Variants in STUM observed in about 807,000 individuals in gnomAD.
STUM encodes stum, mechanosensory transduction mediator homolog.
In STUM, 8 loss-of-function variants were observed where a neutral mutation model predicts 15.3. The ratio of observed to expected loss-of-function variants is 0.52; its 90% CI spans 0.31 to 0.94. STUM has a LOEUF of 0.94. STUM is among the 40% of genes least tolerant of loss of function. The probability of loss-of-function intolerance (pLI) is 0.05; values close to 1 mark genes in which losing one functional copy is unlikely to be tolerated. For synonymous variants in STUM, 78 were observed against 88.7 expected (o/e 0.88, Z 0.68); for missense variants, 142 against 204.9 (o/e 0.69, Z 1.87).
Position 226,600,443 on chromosome 1 carries a change from C to T in STUM, c.383-223C>T. Reference sequence around the variant, plus strand: ...CACACCCACACGCCTGGTGGGCAGACCACTGGCCACTGTGGCTGTCACCAT... The same window carrying T: ...CACACCCACACGCCTGGTGGGCAGATCACTGGCCACTGTGGCTGTCACCAT... On this transcript the variant is annotated intron_variant, in intron 2 of 3. Transcript: ENST00000366788. This position sits in a 1 kb window ranked among gnomAD's most constrained non-coding sequence, Gnocchi z 5.2. The T allele has an allele frequency of 1.7e-6, 1 of 596,432 alleles. No individual in the cohort carries two copies. Among genetic ancestry groups the T allele is most frequent in the South Asian group, 2.0e-5 (1 of 51,270 alleles). 36.9% of individuals were successfully genotyped at this position (596,432 alleles called of 1,614,324 possible). A position where few individuals can be genotyped will look rare whatever the true frequency, so the allele number is the denominator to read the frequency against.
chr1:226,550,685 C>G (rs1174516651), intron 1 of STUM, among the ~76,000 whole-genome samples: 1 of 151,900 alleles, frequency 6.6e-6, no homozygotes, highest in Admixed American at 6.6e-5. Flanking sequence ...AGGGGCTGCA[C>G]CAAGTCACTG....
At position 226,574,912 on chromosome 1, in the gene STUM, C is replaced by A. The variant is rs114303289; in HGVS notation, c.203-21890C>A. Among the ~76,000 whole-genome samples the A allele has an allele frequency of 2.0e-5, 3 of 152,144 alleles. No individual in the cohort carries two copies. The East Asian group carries it at 5.8e-4, about 29-fold the overall frequency. On this transcript the variant is annotated intron_variant, in intron 1 of 3. Coordinates refer to ENST00000366788, the MANE Select transcript of STUM (RefSeq NM_001003665.4). ...ACAACCCCTCAGAGGAAAGGCCCAC[C>A]CCAACTCATGGGGAACAAGCAAACC...
intron 1 of STUM, among the ~76,000 whole-genome samples, chr1:226,595,744 C>T (rs758184857): frequency 2.6e-4 from 39 of 152,230 alleles, no homozygotes; most frequent in African/African-American, 7.2e-4. Context: ...GAAGGTGCTA[C>T]GCTGCTGGCG....
At chr1:226,556,907 GA>G (rs1269067190) in intron 1 of STUM, among the ~76,000 whole-genome samples, 1 of 152,132 alleles carries the variant, frequency 6.6e-6, no homozygotes, top group Non-Finnish European at 1.5e-5. Context: ...TATAATTTAT[GA>G]ATACAATGTG....
At chr1:226,560,817 G>A (rs1424104193) in intron 1 of STUM, among the ~76,000 whole-genome samples, 3 of 152,164 alleles carry the variant, frequency 2.0e-5, no homozygotes, top group Non-Finnish European at 2.9e-5. Flanking sequence ...TCATGTCTCA[G>A]CTCTGATCAT....
chr1:226,566,579 T>A (rs986127476), intron 1 of STUM, among the ~76,000 whole-genome samples: 5 of 152,196 alleles, frequency 3.3e-5, no homozygotes, highest in African/African-American at 9.7e-5. Flanking sequence ...TACCCACATT[T>A]TTTTTTGTAC....
chr1:226,598,602 C>T (rs1186860522), intron 2 of STUM, among the ~76,000 whole-genome samples: 1 of 152,138 alleles, frequency 6.6e-6, no homozygotes, highest in East Asian at 1.9e-4. Flanking sequence ...GCATTGAGGC[C>T]CCAGAAGTGC....
intron 1 of STUM, among the ~76,000 whole-genome samples, chr1:226,583,837 CA>C (rs2102703399): frequency 6.6e-6 from 1 of 152,302 alleles, no homozygotes; most frequent in African/African-American, 2.4e-5. Context: ...GCCCAAGAGC[CA>C]AGCAGTACAG....
In STUM at chr1:226,554,637, A is replaced by T. The variant is rs1667420026; in HGVS notation, c.202+5531A>T. Among the ~76,000 whole-genome samples, 3 of 152,160 alleles carry T rather than the reference A, an allele frequency of 2.0e-5. No individual in the cohort carries two copies. In the South Asian group the frequency reaches 6.2e-4, roughly 32 times the overall value. The stretch of plus-strand genomic sequence containing the variant: ...GAATTTGATAAAACATGAAAAAGCA[A>T]TATAAGTGTACTCTTTGGAGACTGG... On this transcript the variant is annotated intron_variant, in intron 1 of 3. Coordinates refer to ENST00000366788, the MANE Select transcript of STUM (RefSeq NM_001003665.4).
intron 1 of STUM, among the ~76,000 whole-genome samples, chr1:226,594,768 C>T (rs1454352243): frequency 1.3e-5 from 2 of 152,204 alleles, no homozygotes; most frequent in Non-Finnish European, 2.9e-5. Flanking sequence ...GATTTTCCTG[C>T]CTCAGCCTCC....
intron 1 of STUM, among the ~76,000 whole-genome samples, chr1:226,586,856 A>G (rs981390412): frequency 6.6e-6 from 1 of 152,140 alleles, no homozygotes; most frequent in Non-Finnish European, 1.5e-5. Context: ...AGGAAGGACG[A>G]GGCTAAGCCC....
intron 1 of STUM, among the ~76,000 whole-genome samples, chr1:226,585,462 C>T (rs140317174): frequency 1.3e-5 from 2 of 152,226 alleles, no homozygotes; most frequent in African/African-American, 2.4e-5. Context: ...TATCATTGTG[C>T]GTTTCGTAGA....
chr1:226,588,732 G>T (rs1668039274), intron 1 of STUM, among the ~76,000 whole-genome samples: 1 of 152,198 alleles, frequency 6.6e-6, no homozygotes, highest in African/African-American at 2.4e-5. Context: ...GGCCCGGGAA[G>T]GTGTATTTTT....
intron 1 of STUM, among the ~76,000 whole-genome samples, chr1:226,578,035 G>C (rs1244008225): frequency 6.6e-6 from 1 of 152,114 alleles, no homozygotes; most frequent in Non-Finnish European, 1.5e-5. Context: ...AGTATCATGA[G>C]AGGCGGCCCC....
chr1:226,582,633 A>G (rs1022275698), intron 1 of STUM, among the ~76,000 whole-genome samples: 1 of 151,454 alleles, frequency 6.6e-6, no homozygotes, highest in African/African-American at 2.4e-5. Flanking sequence ...TGGACCCTGA[A>G]GGGTCACCCC....
chr1:226,560,827 T>C (rs1667527933), intron 1 of STUM, among the ~76,000 whole-genome samples: 1 of 152,240 alleles, frequency 6.6e-6, no homozygotes, highest in South Asian at 2.1e-4. Flanking sequence ...GCTCTGATCA[T>C]TAGATTCTCC....
chr1:226,578,665 A>G (rs1667863482), intron 1 of STUM, among the ~76,000 whole-genome samples: 1 of 152,140 alleles, frequency 6.6e-6, no homozygotes, highest in Non-Finnish European at 1.5e-5. Context: ...ACCCAGCCCC[A>G]GTCCCTTTTT....
Position 226,585,925 on chromosome 1 carries a change from G to A in STUM, c.203-10877G>A, listed in dbSNP as rs553147576. Among the ~76,000 whole-genome samples the A allele has an allele frequency of 1.1e-4, 17 of 152,302 alleles. No homozygotes were observed. In the South Asian group the frequency reaches 3.3e-3, roughly 30 times the overall value. On this transcript the variant is annotated intron_variant, in intron 1 of 3. Transcript: ENST00000366788. Reference sequence around the variant, plus strand: ...TTGGAAGCTGGGAAATCTGGGACCAGTATACCAGCGTGGTTGGGTTCTGGG... The same window carrying A: ...TTGGAAGCTGGGAAATCTGGGACCAATATACCAGCGTGGTTGGGTTCTGGG...
chr1:226,599,891 T>A (rs897209905), intron 2 of STUM, among the ~76,000 whole-genome samples: 1 of 152,236 alleles, frequency 6.6e-6, no homozygotes, highest in African/African-American at 2.4e-5. Flanking sequence ...TCACTACTAA[T>A]TGATCCAAGA....
Sources: gnomAD v4.1 joint callset for allele counts (sites outside exome capture counted in the v4.1 genomes callset) on GRCh38, gnomAD v4.1.1 for gene constraint, Gnocchi (gnomAD v3.1) non-coding constraint, MANE v1.5 for transcripts, NCBI Gene and HGNC (gene_info 2026-07-23, HGNC 2026-07-21) for gene names.